SPIDR: variants seen among roughly 807,000 people sequenced by gnomAD.
SPIDR encodes the protein scaffold protein involved in DNA repair.
SPIDR carries 93 observed loss-of-function variants against 104.6 expected under a neutral mutation model. The ratio of observed to expected loss-of-function variants is 0.89; its 90% CI spans 0.75 to 1.06. SPIDR has a LOEUF of 1.06. Ranked by LOEUF, SPIDR falls within the 50% of genes least tolerant of loss-of-function variation. SPIDR has a pLI of 0.00. For missense variants in SPIDR, 1,154 were observed against 1,111.2 expected, an observed-to-expected ratio of 1.04 and a Z score of -0.55; for synonymous variants, 431 against 416.9, an observed-to-expected ratio of 1.03 and a Z score of -0.41.
intron 8 of SPIDR, among the ~76,000 whole-genome samples, chr8:47,455,122 A>T (rs567649190): frequency 6.6e-6 from 1 of 152,090 alleles, no homozygotes; most frequent in Non-Finnish European, 1.5e-5. Context: ...ATTGTTTGTT[A>T]TTTCTCTTTT....
At chr8:47,488,361 T>C (rs2078063553) in intron 8 of SPIDR, among the ~76,000 whole-genome samples, 1 of 152,184 alleles carries the variant, frequency 6.6e-6, no homozygotes, top group African/African-American at 2.4e-5. Context: ...CAATAATTAA[T>C]AGCCTACCAA....
intron 5 of SPIDR, among the ~76,000 whole-genome samples, chr8:47,384,024 C>T (rs1321808974): frequency 1.3e-5 from 2 of 152,182 alleles, no homozygotes; most frequent in African/African-American, 4.8e-5. Flanking sequence ...TCGCAACTTA[C>T]TGTTTTGGTA....
Position 47,417,458 on chromosome 8 carries a change from A to G in SPIDR, c.877+9497A>G, listed in dbSNP as rs1387765235. ...AAGTGTCTGTTCATATCCTTTGCCC[A>G]CTTGTTGATGGGGTTGTTTTTTTCT... On this transcript the variant is annotated intron_variant, in intron 7 of 19. Transcript: ENST00000297423. Among the ~76,000 whole-genome samples, 7 of 152,166 alleles carry G rather than the reference A, an allele frequency of 4.6e-5. No homozygotes were observed. The East Asian group carries it at 1.2e-3, about 25-fold the overall frequency.
intron 11 of SPIDR, 76 bp from the exon 12 acceptor site, chr8:47,700,327 C>A: frequency 6.9e-7 from 1 of 1,441,780 alleles, no homozygotes; most frequent in Non-Finnish European, 9.8e-7. Flanking sequence ...GTCTGTTAAG[C>A]ATTCTACCAG....
At chr8:47,709,855 A>G (rs935616128) in intron 14 of SPIDR, among the ~76,000 whole-genome samples, 4 of 151,772 alleles carry the variant, frequency 2.6e-5, no homozygotes, top group African/African-American at 9.7e-5. Flanking sequence ...ATAATCTTAC[A>G]GAAATCTTTG....
chr8:47,368,678 C>T (rs2057578012), intron 5 of SPIDR, among the ~76,000 whole-genome samples: 1 of 152,114 alleles, frequency 6.6e-6, no homozygotes, highest in South Asian at 2.1e-4. Context: ...GAAAAATGAT[C>T]AATAGTCTCC....
chr8:47,614,647 T>C (rs2154432373), intron 10 of SPIDR, among the ~76,000 whole-genome samples: 2 of 152,338 alleles, frequency 1.3e-5, no homozygotes, highest in Admixed American at 1.3e-4. Flanking sequence ...AATGCTGCAG[T>C]GAACATATGC....
At chr8:47,367,245 C>T (rs2057347300) in intron 5 of SPIDR, among the ~76,000 whole-genome samples, 1 of 152,188 alleles carries the variant, frequency 6.6e-6, no homozygotes, top group Non-Finnish European at 1.5e-5. Flanking sequence ...GAGCCCAGAG[C>T]AAACCCCAGT....
At chr8:47,452,954 T>A (rs763895224) in intron 8 of SPIDR, among the ~76,000 whole-genome samples, 10 of 152,092 alleles carry the variant, frequency 6.6e-5, no homozygotes, top group Non-Finnish European at 1.3e-4. Flanking sequence ...AATATATAGT[T>A]AGAGGGCCCC....
At chr8:47,318,433 AT>A (rs2154260117) in intron 5 of SPIDR, among the ~76,000 whole-genome samples, 1 of 150,572 alleles carries the variant, frequency 6.6e-6, no homozygotes, top group South Asian at 2.1e-4. Context: ...TCCAAGAAAT[AT>A]AGGACTATGT....
intron 1 of SPIDR, among the ~76,000 whole-genome samples, chr8:47,273,356 G>T (rs797028036): frequency 3.3e-5 from 5 of 152,332 alleles, no homozygotes; most frequent in African/African-American, 1.2e-4. Flanking sequence ...AGAAGCAGAT[G>T]AACAGCCAGA....
At chr8:47,588,040 T>TGC (rs2060482319) in intron 8 of SPIDR, among the ~76,000 whole-genome samples, 1 of 30,982 alleles carries the variant, frequency 3.2e-5, no homozygotes, top group Non-Finnish European at 6.1e-5. Context: ...TATATATATA[T>TGC]ATATATATAT....
chr8:47,466,914 TAGATAG>T (rs797024169), intron 8 of SPIDR, among the ~76,000 whole-genome samples: 5,072 of 116,008 alleles, frequency 0.044, 233 homozygotes, highest in African/African-American at 0.1. Flanking sequence ...TATATATATA[TAGATAG>T]ATAGATAGAT....
intron 10 of SPIDR, among the ~76,000 whole-genome samples, chr8:47,638,965 T>C (rs746060157): frequency 2.4e-4 from 36 of 152,224 alleles, no homozygotes; most frequent in Non-Finnish European, 4.6e-4. Flanking sequence ...GGTGCCTAGA[T>C]ACCATGGTTT....
chr8:47,473,495 C>G (rs574532259), intron 8 of SPIDR, among the ~76,000 whole-genome samples: 134 of 152,308 alleles, frequency 8.8e-4, no homozygotes, highest in Middle Eastern at 3.4e-3. Context: ...CACCCCTGGT[C>G]TGCCTGAAAA....
intron 8 of SPIDR, among the ~76,000 whole-genome samples, chr8:47,505,068 A>T (rs2081259910): frequency 6.6e-6 from 1 of 152,052 alleles, no homozygotes; most frequent in East Asian, 1.9e-4. Context: ...CAGTTAGGCT[A>T]CTCAGGGGTC....
At chr8:47,457,146 G>A (rs2073128106) in intron 8 of SPIDR, among the ~76,000 whole-genome samples, 2 of 152,150 alleles carry the variant, frequency 1.3e-5, no homozygotes, top group African/African-American at 4.8e-5. Context: ...TAGGTCAAAT[G>A]GTAGTTCTAC....
intron 10 of SPIDR, among the ~76,000 whole-genome samples, chr8:47,606,277 T>A (rs2062929374): frequency 6.6e-6 from 1 of 151,624 alleles, no homozygotes; most frequent in Non-Finnish European, 1.5e-5. Context: ...CCCAGCACTT[T>A]GGGAGGCCGA....
intron 5 of SPIDR, among the ~76,000 whole-genome samples, chr8:47,370,704 C>A (rs1554638218): frequency 6.6e-6 from 1 of 151,920 alleles, no homozygotes; most frequent in East Asian, 1.9e-4. Context: ...CCCACCTCAG[C>A]CTCCCAAAGT....
Sources: gnomAD v4.1 joint callset for allele counts (sites outside exome capture counted in the v4.1 genomes callset) on GRCh38, gnomAD v4.1.1 for gene constraint, MANE v1.5 for transcripts, NCBI Gene and HGNC (gene_info 2026-07-23, HGNC 2026-07-21) for gene names.